NEMP2: variants seen among roughly 807,000 people sequenced by gnomAD.
NEMP2 encodes the protein nuclear envelope integral membrane protein 2.
Under a neutral mutation model 54.2 loss-of-function variants are expected in NEMP2, and 53 were observed. The observed-to-expected ratio is 0.98, with a 90% confidence interval of 0.78 to 1.23. The LOEUF is 1.23. NEMP2 is among the 50% of genes most tolerant of loss of function. The probability of loss-of-function intolerance (pLI) is 0.00; values close to 1 mark genes in which losing one functional copy is unlikely to be tolerated. For synonymous variants in NEMP2, 197 were observed against 190.3 expected (o/e 1.04, Z -0.29); for missense variants, 455 against 511.3 (o/e 0.89, Z 1.06).
the NEMP2 span, chr2:190,435,852 G>A: frequency 2.4e-6 from 2 of 842,214 alleles, no homozygotes; most frequent in Non-Finnish European, 3.5e-6. Context: ...AGTGATAAAT[G>A]ATGAGAATTC....
At chr2:190,639,739 C>A in the NEMP2 span, among the ~76,000 whole-genome samples, 1 of 151,906 alleles carries the variant, frequency 6.6e-6, no homozygotes, top group Non-Finnish European at 1.5e-5. Context: ...ACCTCAGCCT[C>A]CCGGGTTCAA....
chr2:190,612,152 C>CTTTTTTTTTT, the NEMP2 span, among the ~76,000 whole-genome samples: 1 of 115,800 alleles, frequency 8.6e-6, no homozygotes, highest in African/African-American at 3.4e-5. Flanking sequence ...AAACATCCCT[C>CTTTTTTTTTT]TTTTTTTTTT....
At chr2:190,583,352 GC>G in the NEMP2 span, among the ~76,000 whole-genome samples, 5 of 151,976 alleles carry the variant, frequency 3.3e-5, no homozygotes, top group African/African-American at 1.2e-4. Flanking sequence ...ATAAATGAAG[GC>G]CTTGTTCTGA....
the NEMP2 span, among the ~76,000 whole-genome samples, chr2:190,427,981 C>T: frequency 2.0e-5 from 3 of 152,330 alleles, no homozygotes; most frequent in Admixed American, 6.5e-5. Context: ...ATCCACTTGC[C>T]TCAGCCTCCC....
At chr2:190,472,841 G>T in the NEMP2 span, among the ~76,000 whole-genome samples, 1 of 152,166 alleles carries the variant, frequency 6.6e-6, no homozygotes, top group African/African-American at 2.4e-5. Flanking sequence ...AGAGAGAAAG[G>T]TCGGGTTACC....
At chr2:190,490,330 G>A in the NEMP2 span, among the ~76,000 whole-genome samples, 1 of 151,730 alleles carries the variant, frequency 6.6e-6, no homozygotes, top group Non-Finnish European at 1.5e-5. The surrounding 1 kb of genome is among the most constrained non-coding windows in gnomAD (Gnocchi z 4.5). Flanking sequence ...TTGGGAGGCC[G>A]AGGCGGGTGG....
chr2:190,500,883 T>C (rs1008364961), downstream of NEMP2: 1 of 152,232 alleles, frequency 6.6e-6, no homozygotes, highest in African/African-American at 2.4e-5. This position sits in a 1 kb window ranked among gnomAD's most constrained non-coding sequence, Gnocchi z 5.3. Context: ...AAGCTATTAT[T>C]AACTACTGCA....
the NEMP2 span, chr2:190,629,798 C>G: frequency 6.6e-6 from 1 of 152,218 alleles, no homozygotes; most frequent in Admixed American, 6.5e-5. Flanking sequence ...CCACTTGATG[C>G]GTGTCAAAAC....
chr2:190,477,201 T>A, the NEMP2 span: 1 of 699,482 alleles, frequency 1.4e-6, no homozygotes, highest in Non-Finnish European at 1.8e-6. Flanking sequence ...ACTTAAAGTA[T>A]AATAATAATA....
At chr2:190,576,035 C>T in the NEMP2 span, among the ~76,000 whole-genome samples, 1 of 150,814 alleles carries the variant, frequency 6.6e-6, no homozygotes, top group Non-Finnish European at 1.5e-5. Context: ...AATGCACAAT[C>T]GTGGTTTACT....
At chr2:190,574,794 C>G in the NEMP2 span, among the ~76,000 whole-genome samples, 1 of 127,670 alleles carries the variant, frequency 7.8e-6, no homozygotes, top group Non-Finnish European at 1.7e-5. Flanking sequence ...CCTCCCTTCC[C>G]TCCCTTCCCT....
Position 190,519,262 on chromosome 2 carries a change from C to T in NEMP2, c.214-79G>A. On this transcript the variant is annotated intron_variant, in intron 2 of 8. Coordinates refer to ENST00000409150, the MANE Select transcript of NEMP2 (RefSeq NM_001142645.2). The surrounding 1 kb of genome is among the most constrained non-coding windows in gnomAD (Gnocchi z 5.4). Reference sequence around the variant, plus strand: ...TTGGAGACAGGGTCTCCCTCTGTTGCCCAGAATGGAGTGCAGTGGCAGGAT... The same window carrying T: ...TTGGAGACAGGGTCTCCCTCTGTTGTCCAGAATGGAGTGCAGTGGCAGGAT... 1 of 1,023,554 alleles carries T rather than the reference C, an allele frequency of 9.8e-7. No homozygotes were observed. The highest frequency in any genetic ancestry group is 1.4e-6 in the Non-Finnish European group (1 of 700,676). 63.4% of individuals were successfully genotyped at this position (1,023,554 alleles called of 1,614,324 possible).
chr2:190,588,405 T>C, the NEMP2 span, among the ~76,000 whole-genome samples: 1 of 152,174 alleles, frequency 6.6e-6, no homozygotes, highest in Non-Finnish European at 1.5e-5. The surrounding 1 kb of genome is among the most constrained non-coding windows in gnomAD (Gnocchi z 5.0). Context: ...TGATTAGAGA[T>C]GGGGCCAAGG....
chr2:190,436,906 G>A, the NEMP2 span: 3 of 1,614,060 alleles, frequency 1.9e-6, no homozygotes, highest in East Asian at 4.5e-5. This position sits in a 1 kb window ranked among gnomAD's most constrained non-coding sequence, Gnocchi z 5.3. Context: ...GGTGATCTTG[G>A]TAGTTGTCAT....
chr2:190,445,433 T>C, the NEMP2 span, among the ~76,000 whole-genome samples: 1 of 140,460 alleles, frequency 7.1e-6, no homozygotes, highest in Admixed American at 7.6e-5. Context: ...CCAGAGTACC[T>C]CTCTTTTTAA....
chr2:190,525,394 G>T lies in NEMP2; in HGVS notation c.98-16C>A, dbSNP rs560032283. 3 of 1,423,168 alleles carry T rather than the reference G, an allele frequency of 2.1e-6. No homozygotes were observed. In the Admixed American group the frequency reaches 6.2e-5, roughly 29 times the overall value. 88.2% of individuals were successfully genotyped at this position (1,423,168 alleles called of 1,614,324 possible). ...CACCTACGAACTGAGAGATGGAAAAGGGAATGCATTTTCTAACTGTTTAAT... is the reference window on the plus strand; with the variant it reads ...CACCTACGAACTGAGAGATGGAAAATGGAATGCATTTTCTAACTGTTTAAT... On this transcript the variant is annotated splice_polypyrimidine_tract_variant and intron_variant, in intron 1 of 8. Coordinates refer to ENST00000409150, the MANE Select transcript of NEMP2 (RefSeq NM_001142645.2). This position sits in a 1 kb window ranked among gnomAD's most constrained non-coding sequence, Gnocchi z 5.0.
chr2:190,628,947 T>C, the NEMP2 span, among the ~76,000 whole-genome samples: 1 of 152,210 alleles, frequency 6.6e-6, no homozygotes. This position sits in a 1 kb window ranked among gnomAD's most constrained non-coding sequence, Gnocchi z 4.1. Flanking sequence ...AGCACAATCA[T>C]AATTCTTTCA....
the NEMP2 span, among the ~76,000 whole-genome samples, chr2:190,580,889 C>T: frequency 6.6e-6 from 1 of 152,148 alleles, no homozygotes; most frequent in Admixed American, 6.5e-5. The surrounding 1 kb of genome is among the most constrained non-coding windows in gnomAD (Gnocchi z 5.3). Flanking sequence ...AAAGGAAAGA[C>T]ATTTGAGGAC....
the NEMP2 span, chr2:190,616,866 TG>T: frequency 6.6e-6 from 1 of 152,094 alleles, no homozygotes; most frequent in African/African-American, 2.4e-5. This position sits in a 1 kb window ranked among gnomAD's most constrained non-coding sequence, Gnocchi z 5.1. Context: ...CCCAGTACTT[TG>T]CGATGCCGAG....
Sources: gnomAD v4.1 joint callset for allele counts (sites outside exome capture counted in the v4.1 genomes callset) on GRCh38, gnomAD v4.1.1 for gene constraint, Gnocchi (gnomAD v3.1) non-coding constraint, MANE v1.5 for transcripts, NCBI Gene and HGNC (gene_info 2026-07-23, HGNC 2026-07-21) for gene names.